The following FAM193A variants were observed in gnomAD, a reference collection of about 807,000 sequenced individuals.
FAM193A encodes family with sequence similarity 193 member A.
Under a neutral mutation model 126.5 loss-of-function variants are expected in FAM193A, and 22 were observed. The observed-to-expected ratio is 0.17, with a 90% CI of 0.12 to 0.25. The LOEUF is 0.25. Among genes scored for constraint, FAM193A ranks in the 10% least tolerant of loss-of-function variants. The probability of loss-of-function intolerance (pLI) is 1.00; values close to 1 mark genes in which losing one functional copy is unlikely to be tolerated. For synonymous variants in FAM193A, 761 were observed against 646.8 expected (o/e 1.18, Z -2.68); for missense variants, 1,675 against 1,672.8 (o/e 1.00, Z -0.02).
chr4:2,602,715 C>T (rs1046439546), intron 2 of FAM193A, among the ~76,000 whole-genome samples: 1 of 152,072 alleles, frequency 6.6e-6, no homozygotes, highest in African/African-American at 2.4e-5. Context: ...GGCTGGAGTG[C>T]AGTGGCGCGA....
intron 19 of FAM193A, among the ~76,000 whole-genome samples, chr4:2,712,725 T>G (rs1156234868): frequency 6.6e-6 from 1 of 152,226 alleles, no homozygotes; most frequent in Non-Finnish European, 1.5e-5. Flanking sequence ...CATTATTTTA[T>G]AATTTCTGTA....
At chr4:2,657,109 A>G (rs1236793336) in intron 7 of FAM193A, among the ~76,000 whole-genome samples, 3 of 152,222 alleles carry the variant, frequency 2.0e-5, no homozygotes, top group Non-Finnish European at 4.4e-5. Flanking sequence ...CAGAGGTTGC[A>G]TTGAGCCGAG....
chr4:2,687,368 T>G (rs1456858095), intron 13 of FAM193A, among the ~76,000 whole-genome samples: 1 of 152,174 alleles, frequency 6.6e-6, no homozygotes, highest in East Asian at 1.9e-4. Flanking sequence ...ACTCTTACCA[T>G]ACCCCTGGAG....
At chr4:2,642,483 G>A (rs1402654930) in intron 6 of FAM193A, among the ~76,000 whole-genome samples, 1 of 152,126 alleles carries the variant, frequency 6.6e-6, no homozygotes, top group East Asian at 1.9e-4. Context: ...CAGAAGAAAA[G>A]GCATCGGAAG....
In FAM193A at chr4:2,696,486, G is replaced by C. The variant is rs182204199; in HGVS notation, c.3400G>C (p.Val1134Leu). The change falls in exon 18 of 21, where the codon GTT becomes CTT. Residue 1134 changes from valine to leucine, a missense_variant. Around this residue, in one of 4 missense-constraint regions of FAM193A, gnomAD observed 54 missense variants for 114.8 expected, o/e 0.47. Transcript: ENST00000637812. ...CCAGATCTCAGAAAGGGAAAGCGTC[G>C]TTGACCATCGGAGGGTGGAGGATTT... Reference protein sequence around the residue: ...MDQISERESVVDHRRVEDLLQ... With the variant: ...MDQISERESVLDHRRVEDLLQ... 1.9e-6 allele frequency: 3 copies of C among 1,614,238 alleles called. No homozygotes were observed. Among genetic ancestry groups the C allele is most frequent in the Non-Finnish European group, 2.5e-6 (3 of 1,180,032 alleles).
chr4:2,540,244 C>T (rs916471423), intron 1 of FAM193A, among the ~76,000 whole-genome samples: 17 of 151,720 alleles, frequency 1.1e-4, no homozygotes, highest in African/African-American at 3.6e-4. Flanking sequence ...CCGAGGCAGG[C>T]GGATCACGAG....
upstream of FAM193A, among the ~76,000 whole-genome samples, chr4:2,535,801 C>A (rs1227188438): frequency 6.6e-6 from 1 of 152,178 alleles, no homozygotes; most frequent in Admixed American, 6.5e-5. Context: ...CTGGAGAGGG[C>A]TTAACGGGAT....
In FAM193A at chr4:2,700,533, A is replaced by C; in HGVS notation, c.4361A>C (p.Asn1454Thr). The change falls in exon 19 of 21, where the codon AAC becomes ACC. Residue 1454 changes from asparagine to threonine, a missense_variant. This residue lies in a region of FAM193A where 415 missense variants were observed against 396.7 expected (regional missense o/e 1.05). Coordinates refer to ENST00000637812, the MANE Select transcript of FAM193A (RefSeq NM_001366318.2). ...KNKKKKGDRV[N>T]NSIDDVFLPK... ...AAGAAGAAGAAAGGAGACAGAGTCA[A>C]CAATTCAATTGGTAAATACAGAATA... 6.2e-7 allele frequency: 1 copy of C among 1,610,702 alleles called. No individual in the cohort carries two copies. Among genetic ancestry groups the C allele is most frequent in the Non-Finnish European group, 8.5e-7 (1 of 1,179,004 alleles).
At chr4:2,723,586 A>AAT (rs397950014) in intron 20 of FAM193A, among the ~76,000 whole-genome samples, 1 of 151,804 alleles carries the variant, frequency 6.6e-6, no homozygotes, top group Admixed American at 6.6e-5. Context: ...AAAAAAAAAA[A>AAT]GTTTGAAGTA....
chr4:2,547,688 C>T (rs990787434), intron 1 of FAM193A, among the ~76,000 whole-genome samples: 3 of 151,172 alleles, frequency 2.0e-5, no homozygotes, highest in South Asian at 2.1e-4. Flanking sequence ...TGCAGTGGCG[C>T]GATCTTGGCT....
chr4:2,579,149 C>T (rs1739774832), intron 1 of FAM193A, among the ~76,000 whole-genome samples: 1 of 151,872 alleles, frequency 6.6e-6, no homozygotes. Flanking sequence ...TATGAATCAC[C>T]ACTACGCCTG....
At chr4:2,617,183 T>TG (rs1553895106) in intron 2 of FAM193A, among the ~76,000 whole-genome samples, 6 of 78,606 alleles carry the variant, frequency 7.6e-5, no homozygotes. Flanking sequence ...AAAAAAAAAT[T>TG]AAAAAAAAAA....
In FAM193A at chr4:2,646,762, A is replaced by T. The variant is rs1314287324; in HGVS notation, c.1241A>T (p.Glu414Val). ...TLLQRYQRSE[E>V]ELRRVAEEWL... ...CTGCAGAGGTACCAGCGTTCCGAGG[A>T]GGAGCTGCGCAGAGTCGCCGAGGAG... The change falls in exon 7 of 21, where the codon GAG (glutamate) becomes GTG (valine). Residue 414 changes from glutamate to valine, a missense_variant. Glu to Val is a moderately radical substitution (Grantham distance 121, BLOSUM62 -2). Coordinates refer to ENST00000637812, the MANE Select transcript of FAM193A (RefSeq NM_001366318.2). 2.5e-6 allele frequency: 4 copies of T among 1,614,128 alleles called. No homozygotes were observed. Among genetic ancestry groups the T allele is most frequent in the Non-Finnish European group, 2.5e-6 (3 of 1,179,996 alleles).
Position 2,695,148 on chromosome 4 carries a change from C to T in FAM193A, c.3276+19C>T. On this transcript the variant is annotated intron_variant, in intron 17 of 20. Coordinates refer to ENST00000637812, the MANE Select transcript of FAM193A (RefSeq NM_001366318.2). ...CGGCGGGGTGAGTGCATGAGGTCAGCGCATCATGATGTGGGAAGTGTGCAA... is the reference window on the plus strand; with the variant it reads ...CGGCGGGGTGAGTGCATGAGGTCAGTGCATCATGATGTGGGAAGTGTGCAA... 6.4e-7 allele frequency: 1 copy of T among 1,558,860 alleles called. No individual in the cohort carries two copies. Among genetic ancestry groups the T allele is most frequent in the Non-Finnish European group, 8.7e-7 (1 of 1,152,446 alleles).
At chr4:2,611,813 A>G (rs1002223394) in intron 2 of FAM193A, among the ~76,000 whole-genome samples, 5 of 151,958 alleles carry the variant, frequency 3.3e-5, no homozygotes, top group African/African-American at 1.2e-4. Context: ...CTGAAGAGCA[A>G]AAGATTTATA....
intron 1 of FAM193A, among the ~76,000 whole-genome samples, chr4:2,560,396 G>A (rs1298987182): frequency 6.6e-6 from 1 of 152,170 alleles, no homozygotes; most frequent in Admixed American, 6.6e-5. Context: ...TGCCTGTCCT[G>A]GCTCGGCCAC....
chr4:2,680,396 T>C (rs1446204236), intron 13 of FAM193A, among the ~76,000 whole-genome samples: 1 of 152,044 alleles, frequency 6.6e-6, no homozygotes, highest in African/African-American at 2.4e-5. Context: ...TCATAGCTCA[T>C]TGCAGCCTCA....
intron 12 of FAM193A, among the ~76,000 whole-genome samples, chr4:2,664,318 C>G (rs539035036): frequency 1.3e-5 from 2 of 152,108 alleles, no homozygotes; most frequent in African/African-American, 4.8e-5. Flanking sequence ...CCAATTGTTT[C>G]AGTACGGTTT....
intron 3 of FAM193A, 78 bp from the exon 4 acceptor site, chr4:2,626,332 T>G: frequency 1.5e-6 from 1 of 652,128 alleles, no homozygotes; most frequent in South Asian, 1.6e-5. Flanking sequence ...GCCTGGGAGG[T>G]CCTCTGAGGA....
Sources: allele counts gnomAD v4.1 joint callset (sites outside exome capture counted in the v4.1 genomes callset), GRCh38; gene constraint gnomAD v4.1.1; regional missense constraint gnomAD v4.1.1; transcripts MANE v1.5; gene names NCBI Gene and HGNC (gene_info 2026-07-23, HGNC 2026-07-21).